KCTD16: variants seen among roughly 807,000 people sequenced by gnomAD.
The protein encoded by KCTD16 is potassium channel tetramerization domain containing 16.
Under a neutral mutation model 33.2 loss-of-function variants are expected in KCTD16, and 13 were observed. That is an observed-to-expected ratio of 0.39 (90% CI 0.25 to 0.62). The LOEUF (loss-of-function observed/expected upper bound fraction) is 0.62, where lower values mean the gene tolerates loss of function less well. KCTD16 is among the 20% of genes least tolerant of loss of function. The probability of loss-of-function intolerance (pLI) is 0.50; values close to 1 mark genes in which losing one functional copy is unlikely to be tolerated. For missense variants in KCTD16, 441 were observed against 525.1 expected, an observed-to-expected ratio of 0.84 and a Z score of 1.57; for synonymous variants, 197 against 195.3, an observed-to-expected ratio of 1.01 and a Z score of -0.07.
chr5:144,377,194 C>T (rs542390432), intron 3 of KCTD16, among the ~76,000 whole-genome samples: 2 of 152,278 alleles, frequency 1.3e-5, no homozygotes, highest in African/African-American at 4.8e-5. Context: ...GACTGTCTCT[C>T]TTTTTACTTT....
At chr5:144,278,241 C>T (rs574233320) in intron 3 of KCTD16, among the ~76,000 whole-genome samples, 22 of 151,968 alleles carry the variant, frequency 1.4e-4, no homozygotes, top group African/African-American at 5.1e-4. Flanking sequence ...GGTGTTTAAT[C>T]GTCAAACACC....
At chr5:144,435,700 C>T (rs1753559941) in intron 3 of KCTD16, among the ~76,000 whole-genome samples, 1 of 152,084 alleles carries the variant, frequency 6.6e-6, no homozygotes, top group African/African-American at 2.4e-5. Flanking sequence ...GGGTTATTTA[C>T]ACCGCCTTGT....
intron 2 of KCTD16, among the ~76,000 whole-genome samples, chr5:144,188,229 T>A (rs567119922): frequency 1.1e-3 from 170 of 152,364 alleles, no homozygotes; most frequent in African/African-American, 4.0e-3. Context: ...CTATGTGTAT[T>A]GTCCTTTGGT....
chr5:144,287,751 C>A (rs1036134285), intron 3 of KCTD16, among the ~76,000 whole-genome samples: 7 of 151,978 alleles, frequency 4.6e-5, no homozygotes, highest in Non-Finnish European at 7.4e-5. Flanking sequence ...ATTCTCCTGC[C>A]TCAGCCTCCC....
chr5:144,304,602 A>G (rs1375350585), intron 3 of KCTD16, among the ~76,000 whole-genome samples: 10 of 152,126 alleles, frequency 6.6e-5, no homozygotes, highest in Admixed American at 5.9e-4. Context: ...TAAAAACATT[A>G]TATGGAAGAA....
rs148094869 is a variant in KCTD16, at chr5:144,293,197, A to G, written c.832+85651A>G. Among the ~76,000 whole-genome samples, 690 of 152,004 alleles carry G rather than the reference A, an allele frequency of 4.5e-3. 6 individuals carry two copies. Among genetic ancestry groups the G allele is most frequent in the African/African-American group, 0.016 (658 of 41,438 alleles). On this transcript the variant is annotated intron_variant, in intron 3 of 3. Transcript: ENST00000512467. Reference sequence around the variant, plus strand: ...TCCTCTCGGAAGTTTTCCTTTCTCTATTTGATGGTTTGTGGCTCTTTCCAG... The same window carrying G: ...TCCTCTCGGAAGTTTTCCTTTCTCTGTTTGATGGTTTGTGGCTCTTTCCAG...
At chr5:144,243,179 T>C (rs1754450170) in intron 3 of KCTD16, among the ~76,000 whole-genome samples, 1 of 152,212 alleles carries the variant, frequency 6.6e-6, no homozygotes, top group South Asian at 2.1e-4. Flanking sequence ...TACACATTAT[T>C]AATGTGACTT....
chr5:144,408,124 C>A (rs1329612615), intron 3 of KCTD16, among the ~76,000 whole-genome samples: 1 of 152,196 alleles, frequency 6.6e-6, no homozygotes, highest in Non-Finnish European at 1.5e-5. Flanking sequence ...GCCACATTGT[C>A]TTCCACAATG....
chr5:144,295,976 C>T (rs1468212226), intron 3 of KCTD16, among the ~76,000 whole-genome samples: 7 of 152,166 alleles, frequency 4.6e-5, no homozygotes, highest in Admixed American at 4.6e-4. Flanking sequence ...GACTTCTGAC[C>T]TATAGAGACC....
intron 3 of KCTD16, among the ~76,000 whole-genome samples, chr5:144,406,776 T>G (rs1167086561): frequency 1.3e-5 from 2 of 152,184 alleles, no homozygotes; most frequent in Admixed American, 6.5e-5. Context: ...ATTCAGACAG[T>G]GGAGATTCCA....
At chr5:144,171,204 T>A (rs1345868951) in intron 1 of KCTD16, among the ~76,000 whole-genome samples, 195 bp downstream of exon 1, 1 of 152,130 alleles carries the variant, frequency 6.6e-6, no homozygotes, top group Non-Finnish European at 1.5e-5. Flanking sequence ...CATGTGAAAT[T>A]GCTACTAATA....
intron 3 of KCTD16, among the ~76,000 whole-genome samples, chr5:144,274,435 A>T (rs1249272064): frequency 6.6e-6 from 1 of 152,182 alleles, no homozygotes; most frequent in Non-Finnish European, 1.5e-5. Context: ...TGATTCAGTC[A>T]TTAAGAATGA....
chr5:144,208,633 C>T (rs1228190197), intron 3 of KCTD16, among the ~76,000 whole-genome samples: 2 of 152,176 alleles, frequency 1.3e-5, no homozygotes, highest in Non-Finnish European at 2.9e-5. Flanking sequence ...TTTCTTTAAA[C>T]ATAAAAGTAG....
At chr5:144,219,948 C>T (rs1753689781) in intron 3 of KCTD16, among the ~76,000 whole-genome samples, 1 of 152,190 alleles carries the variant, frequency 6.6e-6, no homozygotes, top group Non-Finnish European at 1.5e-5. Flanking sequence ...ACCCACTGGT[C>T]TAACTCTGCA....
intron 3 of KCTD16, among the ~76,000 whole-genome samples, chr5:144,404,513 A>G (rs1752770525): frequency 6.6e-6 from 1 of 152,176 alleles, no homozygotes; most frequent in Non-Finnish European, 1.5e-5. Context: ...TCATTTGTGC[A>G]GATATCTCTT....
chr5:144,447,337 C>A (rs1197677632), intron 3 of KCTD16, among the ~76,000 whole-genome samples: 1 of 152,078 alleles, frequency 6.6e-6, no homozygotes, highest in African/African-American at 2.4e-5. Flanking sequence ...TGTTCTCACT[C>A]ATAAGTGGGA....
At position 144,403,718 on chromosome 5, in the gene KCTD16, G is replaced by A. The variant is rs114687532; in HGVS notation, c.833-69942G>A. Among the ~76,000 whole-genome samples, 793 of 152,294 alleles carry A rather than the reference G, an allele frequency of 5.2e-3. 7 individuals carry two copies. Among genetic ancestry groups the A allele is most frequent in the African/African-American group, 0.018 (760 of 41,574 alleles). ...AGACAATATATTCACAGATTCTGGG[G>A]ATTAGAACATGGGCATCTTTGGGGA... On this transcript the variant is annotated intron_variant, in intron 3 of 3. Coordinates refer to ENST00000512467, the MANE Select transcript of KCTD16 (RefSeq NM_020768.4).
chr5:144,385,156 T>C (rs1336385102), intron 3 of KCTD16: 1 of 152,224 alleles, frequency 6.6e-6, no homozygotes, highest in Non-Finnish European at 1.5e-5. Flanking sequence ...TATTTTCCTC[T>C]ATTATAGCTG....
chr5:144,251,659 C>CAA (rs1754704143), intron 3 of KCTD16, among the ~76,000 whole-genome samples: 1 of 152,144 alleles, frequency 6.6e-6, no homozygotes, highest in African/African-American at 2.4e-5. Flanking sequence ...GTTTCCTGAC[C>CAA]ATTTACGCAG....
Sources: gnomAD v4.1 joint callset for allele counts (sites outside exome capture counted in the v4.1 genomes callset) on GRCh38, gnomAD v4.1.1 for gene constraint, MANE v1.5 for transcripts, NCBI Gene and HGNC (gene_info 2026-07-23, HGNC 2026-07-21) for gene names.